Variants in LNPEP observed in about 807,000 individuals in gnomAD.
LNPEP encodes leucyl-cystinyl aminopeptidase.
Under a neutral mutation model 120.6 loss-of-function variants are expected in LNPEP, and 64 were observed. The ratio of observed to expected loss-of-function variants is 0.53; its 90% CI spans 0.43 to 0.65. LNPEP has a LOEUF of 0.65. Among genes scored for constraint, LNPEP ranks in the 30% least tolerant of loss-of-function variants. The probability of loss-of-function intolerance (pLI) is 0.00; values close to 1 mark genes in which losing one functional copy is unlikely to be tolerated. For missense variants in LNPEP, 1,057 were observed against 1,200.0 expected, an observed-to-expected ratio of 0.88 and a Z score of 1.76; for synonymous variants, 435 against 425.4, an observed-to-expected ratio of 1.02 and a Z score of -0.28.
At chr5:96,965,592 CAT>C (rs1789707710) in intron 1 of LNPEP, among the ~76,000 whole-genome samples, 1 of 152,072 alleles carries the variant, frequency 6.6e-6, no homozygotes, top group Non-Finnish European at 1.5e-5. Flanking sequence ...GTTTAACTAA[CAT>C]AAATCAGCTT....
At chr5:97,008,465 C>T (rs1261482581) in intron 11 of LNPEP, among the ~76,000 whole-genome samples, 1 of 148,568 alleles carries the variant, frequency 6.7e-6, no homozygotes, top group Non-Finnish European at 1.5e-5. Flanking sequence ...ATCCTCCTGC[C>T]TCAGCCTGCC....
chr5:96,991,920 C>G (rs989204147), intron 4 of LNPEP, among the ~76,000 whole-genome samples: 1 of 152,124 alleles, frequency 6.6e-6, no homozygotes, highest in African/African-American at 2.4e-5. Context: ...CAAAAAGTTT[C>G]CATTTTCCAC....
chr5:96,978,618 T>A (rs1790054185), intron 1 of LNPEP, among the ~76,000 whole-genome samples: 1 of 152,150 alleles, frequency 6.6e-6, no homozygotes, highest in South Asian at 2.1e-4. Flanking sequence ...AGAATGAGAC[T>A]CAGGGATGAG....
Position 97,032,263 on chromosome 5 carries a change from T to G in LNPEP, c.*3730T>G, listed in dbSNP as rs1223026212. 1 of 152,250 alleles carries G rather than the reference T, an allele frequency of 6.6e-6. No individual in the cohort carries two copies. Among genetic ancestry groups the G allele is most frequent in the Non-Finnish European group, 1.5e-5 (1 of 68,036 alleles). 9.4% of individuals were successfully genotyped at this position (152,250 alleles called of 1,614,324 possible). A position where few individuals can be genotyped will look rare whatever the true frequency, so the allele number is the denominator to read the frequency against. ...CTTCCTTCCCCCTTCATCCCATTTGTATTTTTAAAAACTAAGTTATATATA... is the reference window on the plus strand; with the variant it reads ...CTTCCTTCCCCCTTCATCCCATTTGGATTTTTAAAAACTAAGTTATATATA... On this transcript the variant is annotated 3_prime_UTR_variant, in exon 18 of 18. Transcript: ENST00000231368.
Position 97,011,097 on chromosome 5 carries a change from G to A in LNPEP, c.2036-2551G>A, listed in dbSNP as rs1051701640. The stretch of plus-strand genomic sequence containing the variant: ...AGCTGCTTATCAACCAAGGTATTCC[G>A]TATGTATTTCAATGTTTTCTGCATC... On this transcript the variant is annotated intron_variant, in intron 11 of 17. Coordinates refer to ENST00000231368, the MANE Select transcript of LNPEP (RefSeq NM_005575.3). 1.2e-5 allele frequency: 12 copies of A among 985,204 alleles called. No individual in the cohort carries two copies. The Admixed American group carries it at 1.8e-4, about 15-fold the overall frequency. The allele number at this position is 985,204 out of a possible 1,614,324, so 61.0% of individuals were successfully genotyped here.
chr5:96,998,664 T>A (rs1468046382), intron 8 of LNPEP, among the ~76,000 whole-genome samples: 1 of 152,200 alleles, frequency 6.6e-6, no homozygotes, highest in Non-Finnish European at 1.5e-5. Context: ...GTGATAACGG[T>A]GTCATTCACA....
chr5:96,986,487 A>T (rs1790246471), intron 3 of LNPEP, 52 bp from the exon 4 acceptor site: 7 of 1,544,996 alleles, frequency 4.5e-6, no homozygotes, highest in Non-Finnish European at 6.2e-6. Flanking sequence ...TTTGTTTGTT[A>T]TTGCCATTTA....
rs747118419 is a variant in LNPEP, at chr5:97,006,481, A to G, written c.2001A>G (p.Lys667=). Residue 667 remains lysine, a synonymous_variant, in exon 11 of 18, where the codon AAA becomes AAG. Transcript: ENST00000231368. ...TCACTGAAGGAAGAAATTATTCAAA[A>G]TATCAATCGGTATCATTACTGGATA... is the stretch of plus-strand genomic sequence containing the variant. ...SYVTEGRNYS[K]YQSVSLLDKK... is the part of the protein sequence containing the mutation. The G allele has an allele frequency of 1.3e-6, 2 of 1,575,490 alleles. No individual in the cohort carries two copies. The highest frequency in any genetic ancestry group is 2.2e-5 in the South Asian group (2 of 90,230).
At chr5:97,003,617 G>T in intron 9 of LNPEP, 71 bp downstream of exon 9, 7 of 1,108,374 alleles carry the variant, frequency 6.3e-6, no homozygotes, top group Non-Finnish European at 7.6e-6. Context: ...ATACTTTTTA[G>T]CATGTGTGTA....
chr5:96,958,983 G>A (rs1022592411), intron 1 of LNPEP, among the ~76,000 whole-genome samples: 1 of 151,910 alleles, frequency 6.6e-6, no homozygotes, highest in East Asian at 1.9e-4. Context: ...CGGCCACCAT[G>A]CCCAGCTAAT....
At chr5:96,995,913 C>G (rs1238645440) in intron 6 of LNPEP, 1 of 154,822 alleles carries the variant, frequency 6.5e-6, no homozygotes, top group East Asian at 1.9e-4. Flanking sequence ...TGAGGAGAAA[C>G]AAAGTATAGG....
At position 97,000,674 on chromosome 5, in the gene LNPEP, C is replaced by A. The variant is rs530598159; in HGVS notation, c.1653+2529C>A. Among the ~76,000 whole-genome samples, 6 of 152,308 alleles carry A rather than the reference C, an allele frequency of 3.9e-5. No individual in the cohort carries two copies. In the South Asian group the frequency reaches 6.2e-4, roughly 16 times the overall value. Reference sequence around the variant, plus strand: ...GGAATTAAGTGCATCCTGCATGATTCACTGGGAGAGGACTTGGAAGTTTGT... The same window carrying A: ...GGAATTAAGTGCATCCTGCATGATTAACTGGGAGAGGACTTGGAAGTTTGT... On this transcript the variant is annotated intron_variant, in intron 8 of 17. Coordinates refer to ENST00000231368, the MANE Select transcript of LNPEP (RefSeq NM_005575.3).
chr5:97,006,130 G>C lies in LNPEP; in HGVS notation c.1843G>C (p.Gly615Arg). 6.3e-7 allele frequency: 1 copy of C among 1,596,712 alleles called. No homozygotes were observed. The highest frequency in any genetic ancestry group is 8.5e-7 in the Non-Finnish European group (1 of 1,170,972). Reference protein sequence around the residue: ...RMMKTWTLQKGFPLVTVQKKG... With the variant: ...RMMKTWTLQKRFPLVTVQKKG... ...GATGAAAACCTGGACCCTGCAGAAA[G>C]GATTTCCTTTAGTGACTGTTCAAAA... Residue 615 changes from glycine to arginine, a missense_variant, in exon 10 of 18, where the codon GGA becomes CGA. Transcript: ENST00000231368.
chr5:96,938,763 A>G (rs1278444748), intron 1 of LNPEP, among the ~76,000 whole-genome samples: 1 of 152,170 alleles, frequency 6.6e-6, no homozygotes, highest in African/African-American at 2.4e-5. Context: ...TCTTAGTGCT[A>G]GGAATTCCCA....
intron 1 of LNPEP, among the ~76,000 whole-genome samples, chr5:96,947,231 C>A (rs1192393031): frequency 6.6e-6 from 1 of 151,948 alleles, no homozygotes; most frequent in Non-Finnish European, 1.5e-5. Context: ...GACTGGCACC[C>A]TATATTGTGA....
intron 1 of LNPEP, 183 bp downstream of exon 1, chr5:96,936,357 G>T: frequency 2.3e-6 from 1 of 436,352 alleles, no homozygotes; most frequent in Non-Finnish European, 3.9e-6. Context: ...GCGGGCGGCG[G>T]CCAGTGCGGG....
chr5:97,027,284 C>A (rs1791364825), intron 16 of LNPEP, among the ~76,000 whole-genome samples: 1 of 150,918 alleles, frequency 6.6e-6, no homozygotes, highest in Non-Finnish European at 1.5e-5. Flanking sequence ...ATCTGGGAGG[C>A]AGAACTTGCA....
intron 11 of LNPEP, among the ~76,000 whole-genome samples, chr5:97,010,011 A>T (rs1050664099): frequency 6.6e-6 from 1 of 152,074 alleles, no homozygotes; most frequent in Non-Finnish European, 1.5e-5. Context: ...TTGTTGGGTT[A>T]GTTCATTAGT....
At chr5:96,950,345 T>G (rs1789293237) in intron 1 of LNPEP, among the ~76,000 whole-genome samples, 2 of 152,258 alleles carry the variant, frequency 1.3e-5, no homozygotes, top group African/African-American at 4.8e-5. Context: ...CAAGGACTTC[T>G]GGCTGACCTA....
Sources: allele counts gnomAD v4.1 joint callset (sites outside exome capture counted in the v4.1 genomes callset), GRCh38; gene constraint gnomAD v4.1.1; transcripts MANE v1.5; gene names NCBI Gene and HGNC (gene_info 2026-07-23, HGNC 2026-07-21).